The following SKAP2 variants were observed in gnomAD, a reference collection of about 807,000 sequenced individuals.
The protein encoded by SKAP2 is src kinase associated phosphoprotein 2, also known as src kinase-associated phosphoprotein 2.
A neutral mutation model predicts 54.9 loss-of-function variants in SKAP2; 28 were observed. That is an observed-to-expected ratio of 0.51 (90% CI 0.38 to 0.70). SKAP2 has a LOEUF of 0.70. SKAP2 is among the 30% of genes least tolerant of loss of function. The pLI, the probability that SKAP2 is intolerant of heterozygous loss-of-function variation, is 0.00. For synonymous variants in SKAP2, 137 were observed against 134.3 expected (o/e 1.02, Z -0.14); for missense variants, 356 against 424.1 (o/e 0.84, Z 1.41).
chr7:26,803,366 G>T (rs767376050), intron 4 of SKAP2, among the ~76,000 whole-genome samples: 3 of 152,100 alleles, frequency 2.0e-5, no homozygotes, highest in Non-Finnish European at 4.4e-5. Flanking sequence ...ATATGACAAG[G>T]TGCTCAACAT....
chr7:26,842,849 A>G (rs1584421975), intron 4 of SKAP2, among the ~76,000 whole-genome samples: 2 of 151,844 alleles, frequency 1.3e-5, no homozygotes, highest in East Asian at 3.8e-4. Context: ...AGAAATGCTT[A>G]TCTCTTTAAA....
intron 11 of SKAP2, among the ~76,000 whole-genome samples, chr7:26,684,373 A>G (rs1786582293): frequency 6.6e-6 from 1 of 152,200 alleles, no homozygotes; most frequent in Non-Finnish European, 1.5e-5. Flanking sequence ...AGACAAAATC[A>G]GAATAAGCAC....
At chr7:26,720,050 T>TC in intron 9 of SKAP2, among the ~76,000 whole-genome samples, 1 of 121,088 alleles carries the variant, frequency 8.3e-6, no homozygotes, top group African/African-American at 3.3e-5. Flanking sequence ...CACATATCTG[T>TC]AACACACACA....
In SKAP2 at chr7:26,753,247, G is replaced by C. The variant is rs145540956; in HGVS notation, c.308-13283C>G. Among the ~76,000 whole-genome samples, 712 of 152,292 alleles carry C rather than the reference G, an allele frequency of 4.7e-3. 6 individuals carry two copies. Among genetic ancestry groups the C allele is most frequent in the African/African-American group, 0.016 (672 of 41,564 alleles). ...ATCAGGCTAAAATAGTGTGTCACAA[G>C]AGTGTCTTTTTCACTGGAATTTGAG... On this transcript the variant is annotated intron_variant, in intron 4 of 12. Coordinates refer to ENST00000345317, the MANE Select transcript of SKAP2 (RefSeq NM_003930.5).
intron 4 of SKAP2, among the ~76,000 whole-genome samples, chr7:26,779,497 A>G (rs1389041985): frequency 6.6e-6 from 1 of 152,206 alleles, no homozygotes; most frequent in Non-Finnish European, 1.5e-5. Context: ...ATTAATATCT[A>G]AGACAGAAAT....
chr7:26,732,740 C>T (rs1787846770), intron 6 of SKAP2, among the ~76,000 whole-genome samples: 1 of 152,292 alleles, frequency 6.6e-6, no homozygotes, highest in Non-Finnish European at 1.5e-5. Flanking sequence ...GAACATTCTC[C>T]TTTGGTTTAT....
At chr7:26,768,295 T>G (rs1461689626) in intron 4 of SKAP2, among the ~76,000 whole-genome samples, 4 of 141,956 alleles carry the variant, frequency 2.8e-5, no homozygotes, top group African/African-American at 7.7e-5. Context: ...TTTTTTTTTT[T>G]GCTTTCCATT....
intron 9 of SKAP2, among the ~76,000 whole-genome samples, chr7:26,713,956 A>G (rs989331559): frequency 6.6e-6 from 1 of 152,240 alleles, no homozygotes; most frequent in Non-Finnish European, 1.5e-5. Context: ...GAGAAGGGCA[A>G]AGGTGGAGAC....
At chr7:26,854,641 ATT>A in intron 2 of SKAP2, 142 bp downstream of exon 2, 1 of 717,918 alleles carries the variant, frequency 1.4e-6, no homozygotes, top group Non-Finnish European at 2.2e-6. Flanking sequence ...GTGGAAATAT[ATT>A]TTTTGCCCTT....
At chr7:26,744,140 T>A (rs1354624968) in intron 4 of SKAP2, among the ~76,000 whole-genome samples, 1 of 152,158 alleles carries the variant, frequency 6.6e-6, no homozygotes, top group East Asian at 1.9e-4. Context: ...ATTAAACTAT[T>A]ACTTTATCTT....
intron 9 of SKAP2, among the ~76,000 whole-genome samples, chr7:26,721,540 A>T (rs781732800): frequency 8.6e-5 from 13 of 151,332 alleles, no homozygotes; most frequent in African/African-American, 1.2e-4. Context: ...ATTGTAATTT[A>T]AAAAAAAATG....
At chr7:26,785,255 C>T (rs929268967) in intron 4 of SKAP2, among the ~76,000 whole-genome samples, 4 of 151,994 alleles carry the variant, frequency 2.6e-5, no homozygotes, top group Non-Finnish European at 5.9e-5. Context: ...GGCGCGATCT[C>T]GGCTCACTGC....
At chr7:26,850,123 A>G (rs1455475814) in intron 3 of SKAP2, among the ~76,000 whole-genome samples, 3 of 152,228 alleles carry the variant, frequency 2.0e-5, no homozygotes, top group Non-Finnish European at 4.4e-5. Context: ...CATTGCAAAA[A>G]TAATTATTTC....
chr7:26,715,786 C>G (rs539458408), intron 9 of SKAP2, among the ~76,000 whole-genome samples: 1 of 151,996 alleles, frequency 6.6e-6, no homozygotes, highest in South Asian at 2.1e-4. Context: ...TTCCCTCCCC[C>G]AAAAAAAGAG....
At chr7:26,737,905 C>A (rs765121173) in intron 6 of SKAP2, among the ~76,000 whole-genome samples, 5 of 152,046 alleles carry the variant, frequency 3.3e-5, no homozygotes, top group Non-Finnish European at 7.4e-5. Flanking sequence ...AATGTAGTGA[C>A]AATAGTGGTT....
At chr7:26,834,425 C>T (rs2127993271) in intron 4 of SKAP2, among the ~76,000 whole-genome samples, 1 of 151,864 alleles carries the variant, frequency 6.6e-6, no homozygotes, top group East Asian at 1.9e-4. Flanking sequence ...TTGAAAAGAT[C>T]AAGAAAATAG....
intron 9 of SKAP2, among the ~76,000 whole-genome samples, chr7:26,705,798 C>T (rs1646532714): frequency 6.6e-6 from 1 of 152,212 alleles, no homozygotes; most frequent in Admixed American, 6.5e-5. Flanking sequence ...TGACAACGTA[C>T]ACTCATAGCT....
At chr7:26,848,456 A>C (rs1784972512) in intron 3 of SKAP2, among the ~76,000 whole-genome samples, 2 of 152,156 alleles carry the variant, frequency 1.3e-5, no homozygotes, top group Non-Finnish European at 2.9e-5. Context: ...TCATGCACAA[A>C]ATTACAAGGT....
chr7:26,692,811 C>T (rs1429437988), intron 9 of SKAP2, among the ~76,000 whole-genome samples: 2 of 152,168 alleles, frequency 1.3e-5, no homozygotes, highest in Non-Finnish European at 2.9e-5. Context: ...GGAACGTTTA[C>T]AGTCATTATT....
Sources: allele counts gnomAD v4.1 joint callset (sites outside exome capture counted in the v4.1 genomes callset), GRCh38; gene constraint gnomAD v4.1.1; transcripts MANE v1.5; gene names NCBI Gene and HGNC (gene_info 2026-07-23, HGNC 2026-07-21).